Variants in INF2 observed in about 807,000 individuals in gnomAD.
The protein encoded by INF2 is inverted formin-2.
Under a neutral mutation model 123.5 loss-of-function variants are expected in INF2, and 43 were observed. The ratio of observed to expected loss-of-function variants is 0.35; its 90% CI spans 0.27 to 0.45. INF2 has a LOEUF of 0.45. Among genes scored for constraint, INF2 ranks in the 20% least tolerant of loss-of-function variants. The pLI is 1.00. For synonymous variants in INF2, 851 were observed against 745.0 expected (o/e 1.14, Z -2.32); for missense variants, 1,453 against 1,682.7 (o/e 0.86, Z 2.39).
At chr14:104,693,124 G>A (rs1260990235) in intron 1 of INF2, among the ~76,000 whole-genome samples, 3 of 152,256 alleles carry the variant, frequency 2.0e-5, no homozygotes, top group East Asian at 1.9e-4. Flanking sequence ...AGAGGGACAT[G>A]GGAAGATGCT....
rs1414394917 is a variant in INF2, at chr14:104,710,127, C to T, written c.2178C>T (p.Gly726=). The part of the protein sequence containing the change: ...LRIECMLLCE[G]AAAVLDMVRP... Reference sequence around the variant, plus strand: ...TCGAGTGCATGCTGCTGTGTGAGGGCGCGGCCGCCGTGCTGGACATGGTGC... The same window carrying T: ...TCGAGTGCATGCTGCTGTGTGAGGGTGCGGCCGCCGTGCTGGACATGGTGC... Residue 726 remains glycine, a synonymous_variant, in exon 13 of 23, where the codon GGC becomes GGT. Coordinates refer to ENST00000392634, the MANE Select transcript of INF2 (RefSeq NM_022489.4). 2.6e-6 allele frequency: 4 copies of T among 1,552,856 alleles called. No homozygotes were observed. The highest frequency in any genetic ancestry group is 3.5e-6 in the Non-Finnish European group (4 of 1,148,838).
intron 1 of INF2, among the ~76,000 whole-genome samples, chr14:104,694,292 CT>C (rs1437797970): frequency 1.3e-5 from 2 of 152,264 alleles, no homozygotes; most frequent in Non-Finnish European, 1.5e-5. Flanking sequence ...TCCCAGGCCC[CT>C]GGCACCCTCG....
intron 1 of INF2, among the ~76,000 whole-genome samples, chr14:104,697,026 A>G (rs1889222782): frequency 6.6e-6 from 1 of 152,188 alleles, no homozygotes; most frequent in East Asian, 1.9e-4. Flanking sequence ...TCCCAGGCAC[A>G]GTAGGCAGTA....
At chr14:104,693,720 C>T (rs1446785805) in intron 1 of INF2, among the ~76,000 whole-genome samples, 3 of 152,298 alleles carry the variant, frequency 2.0e-5, no homozygotes, top group Non-Finnish European at 2.9e-5. Flanking sequence ...CTCGCCGGGT[C>T]GGGGGTGGAC....
In INF2 at chr14:104,713,244, A is replaced by AGAGGAGGAAGCAGCAGCTGGCG; in HGVS notation, c.2822_2843dup (p.Arg950AlafsTer37). ...CGGAAGGAGCAGGCGGCGAAGGCAG[A>AGAGGAGGAAGCAGCAGCTGGCG]GAGGAGGAAGCAGCAGCTGGCGGAG... On this transcript the variant is annotated frameshift_variant, in exon 19 of 23. Transcript: ENST00000392634. LOFTEE classifies it high-confidence loss of function. 6.4e-7 allele frequency: 1 copy of AGAGGAGGAAGCAGCAGCTGGCG among 1,552,654 alleles called. No homozygotes were observed. Among genetic ancestry groups the AGAGGAGGAAGCAGCAGCTGGCG allele is most frequent in the Non-Finnish European group, 8.7e-7 (1 of 1,148,794 alleles).
chr14:104,708,477 G>A lies in INF2; in HGVS notation c.1777G>A (p.Glu593Lys), dbSNP rs775320095. The stretch of plus-strand genomic sequence containing the variant: ...GGCGTCCCTGAGCAGCCCCGACGCC[G>A]AGGCTGTGGAGCCCGACTTCTCCAG... ...MWASLSSPDA[E>K]AVEPDFSSIE... Residue 593 changes from glutamate to lysine, a missense_variant, in exon 9 of 23, where the codon GAG (glutamate) becomes AAG (lysine). By Grantham distance (56) the Glu-to-Lys change is moderately conservative. This residue lies in a region of INF2 where 192 missense variants were observed against 274.4 expected (regional missense o/e 0.70). Transcript: ENST00000392634. 40 of 1,612,404 alleles carry A rather than the reference G, an allele frequency of 2.5e-5. No individual in the cohort carries two copies. Among genetic ancestry groups the A allele is most frequent in the Non-Finnish European group, 2.8e-5 (33 of 1,179,824 alleles).
chr14:104,681,346 C>T (rs976014823), exon 1 of INF2: 29 of 438,314 alleles, frequency 6.6e-5, no homozygotes, highest in Middle Eastern at 9.6e-4. Flanking sequence ...TTCTCCTGGA[C>T]GCCACCCACA....
intron 5 of INF2, chr14:104,704,233 GAT>G: frequency 2.9e-6 from 4 of 1,356,376 alleles, no homozygotes; most frequent in Non-Finnish European, 2.9e-6. Context: ...TGGAGGCCGT[GAT>G]CCTAAGTGAA....
chr14:104,692,284 G>A (rs572451631), intron 1 of INF2, among the ~76,000 whole-genome samples: 84 of 152,212 alleles, frequency 5.5e-4, no homozygotes, highest in Non-Finnish European at 1.0e-3. Context: ...CGGGACAGTC[G>A]GTGCCATTTT....
In INF2 at chr14:104,700,866, T is replaced by C. The variant is rs1300375936; in HGVS notation, c.-9-491T>C. 4.1e-6 allele frequency: 4 copies of C among 985,084 alleles called. No individual in the cohort carries two copies. The East Asian group carries it at 3.4e-4, about 84-fold the overall frequency. The allele number at this position is 985,084 out of a possible 1,614,324, so 61.0% of individuals were successfully genotyped here. A position where few individuals can be genotyped will look rare whatever the true frequency, so the allele number is the denominator to read the frequency against. ...GTGGGCACCCCAGGCATGCCTGAGGTTTGGAATCTCCCTGTCCATATTGTC... is the reference window on the plus strand; with the variant it reads ...GTGGGCACCCCAGGCATGCCTGAGGCTTGGAATCTCCCTGTCCATATTGTC... On this transcript the variant is annotated intron_variant, in intron 1 of 22. Transcript: ENST00000392634.
At chr14:104,713,678 T>C (rs1890160351) in intron 20 of INF2, 72 bp downstream of exon 20, 1 of 1,517,668 alleles carries the variant, frequency 6.6e-7, no homozygotes, top group African/African-American at 1.4e-5. Context: ...CAGGAAGTCC[T>C]CCTGACTTCA....
At chr14:104,681,412 T>C (rs1382167179) in exon 1 of INF2, 1 of 491,660 alleles carries the variant, frequency 2.0e-6, no homozygotes, top group South Asian at 1.5e-5. Context: ...CGGAGCTGGT[T>C]ATGTCACATC....
exon 1 of INF2, chr14:104,681,513 C>T (rs1389442485): frequency 7.9e-7 from 1 of 1,265,994 alleles, no homozygotes; most frequent in Non-Finnish European, 1.0e-6. Context: ...ACCAGCGCCC[C>T]CTCTCAGCAA....
rs759153097 is a variant in INF2, at chr14:104,709,701, C to T, written c.2134C>T (p.Pro712Ser). The T allele has an allele frequency of 3.1e-6, 5 of 1,612,350 alleles. No homozygotes were observed. The highest frequency in any genetic ancestry group is 2.5e-6 in the Non-Finnish European group (3 of 1,179,502). ...DHFYLLLLAIPCYQLRIECML... is the reference protein window; with the variant it reads ...DHFYLLLLAISCYQLRIECML... ...CTTCTACCTCCTCCTGCTGGCCATT[C>T]CCTGGTGAGCATGGCCGCCCTCAGA... The change falls in exon 12 of 23, where the codon CCC (proline) becomes TCC (serine). Residue 712 changes from proline to serine, a missense_variant. Transcript: ENST00000392634.
exon 1 of INF2, chr14:104,681,407 C>T: frequency 2.1e-6 from 1 of 481,336 alleles, no homozygotes; most frequent in Non-Finnish European, 4.0e-6. Flanking sequence ...GGACACGGAG[C>T]TGGTTATGTC....
At chr14:104,696,224 C>T (rs8017662) in intron 1 of INF2, among the ~76,000 whole-genome samples, 2,299 of 152,298 alleles carry the variant, frequency 0.015, 34 homozygotes, top group South Asian at 0.041. Flanking sequence ...GCACAACAAG[C>T]GGAGTTCAAG....
intron 15 of INF2, 93 bp downstream of exon 15, chr14:104,711,279 A>T (rs1890034797): frequency 1.8e-6 from 2 of 1,101,502 alleles, no homozygotes; most frequent in Non-Finnish European, 2.7e-6. Flanking sequence ...CATGCCCACC[A>T]CTCAGGCCGC....
chr14:104,713,334 G>C, intron 19 of INF2, 25 bp downstream of exon 19: 2 of 1,551,698 alleles, frequency 1.3e-6, no homozygotes, highest in Non-Finnish European at 1.7e-6. Context: ...GCTGGGCGGG[G>C]AGGGGGTGAC....
In INF2 at chr14:104,701,581, C is replaced by G; in HGVS notation, c.216C>G (p.Ser72Arg). ...GGWMVQFLEQ[S>R]GLDLLLEALA... ...GGATGGTGCAGTTCCTGGAGCAGAGCGGCCTGGACCTGCTGCTGGAGGCGC... is the reference window on the plus strand; with the variant it reads ...GGATGGTGCAGTTCCTGGAGCAGAGGGGCCTGGACCTGCTGCTGGAGGCGC... Residue 72 changes from serine to arginine, a missense_variant, in exon 2 of 23, where the codon AGC becomes AGG. Physicochemically the swap from Ser to Arg is moderately radical, Grantham distance 110. Transcript: ENST00000392634. 6.2e-7 allele frequency: 1 copy of G among 1,607,596 alleles called. No individual in the cohort carries two copies. Among genetic ancestry groups the G allele is most frequent in the Non-Finnish European group, 8.5e-7 (1 of 1,178,814 alleles).
Sources: gnomAD v4.1 joint callset for allele counts (sites outside exome capture counted in the v4.1 genomes callset) on GRCh38, gnomAD v4.1.1 for gene constraint, gnomAD v4.1.1 regional missense constraint, MANE v1.5 for transcripts, NCBI Gene and HGNC (gene_info 2026-07-23, HGNC 2026-07-21) for gene names.